The following GPC6 variants were observed in gnomAD, a reference collection of about 807,000 sequenced individuals.
The protein encoded by GPC6 is glypican-6.
GPC6 carries 14 observed loss-of-function variants against 55.2 expected under a neutral mutation model. The ratio of observed to expected loss-of-function variants is 0.25; its 90% CI spans 0.17 to 0.40. The LOEUF is 0.40. Ranked by LOEUF, GPC6 falls within the 10% of genes least tolerant of loss-of-function variation. GPC6 has a pLI of 1.00. For synonymous variants in GPC6, 278 were observed against 259.6 expected, an observed-to-expected ratio of 1.07 and a Z score of -0.68; for missense variants, 641 against 708.5, an observed-to-expected ratio of 0.90 and a Z score of 1.08.
intron 4 of GPC6, among the ~76,000 whole-genome samples, chr13:94,142,897 C>T (rs1468850847): frequency 6.6e-6 from 1 of 151,062 alleles, no homozygotes; most frequent in African/African-American, 2.4e-5. Flanking sequence ...GGCACGATCG[C>T]GGCTTACAGC....
intron 1 of GPC6, among the ~76,000 whole-genome samples, chr13:93,507,449 A>G (rs1470279924): frequency 6.6e-6 from 1 of 152,130 alleles, no homozygotes; most frequent in African/African-American, 2.4e-5. Context: ...CTAGTAAAAC[A>G]CTTGATATTA....
At chr13:93,496,051 C>T (rs998172215) in intron 1 of GPC6, among the ~76,000 whole-genome samples, 94 of 152,122 alleles carry the variant, frequency 6.2e-4, no homozygotes, top group Non-Finnish European at 1.0e-3. Flanking sequence ...GTGGGCTCCA[C>T]CCAGTTGGAG....
chr13:94,114,207 C>A (rs571416004), intron 4 of GPC6, among the ~76,000 whole-genome samples: 1 of 150,242 alleles, frequency 6.7e-6, no homozygotes, highest in Admixed American at 6.6e-5. Context: ...ATGGCACACA[C>A]CTAAATTTTG....
In GPC6 at chr13:93,401,155, CGTGTGTGTGTGTGTGTGTGTGTGTGTGT is replaced by C. The variant is rs5805802; in HGVS notation, c.161-144091_161-144064del. ...AAGGCAGAAGGGCAGAGGTATTTGT[CGTGTGTGTGTGTGTGTGTGTGTGTGTGT>C]GTGTGTGTGTGTGTGTTTGACTTTT... On this transcript the variant is annotated intron_variant, in intron 1 of 8. Transcript: ENST00000377047. Among the ~76,000 whole-genome samples the C allele has an allele frequency of 2.1e-5, 3 of 143,456 alleles. No individual in the cohort carries two copies. In the South Asian group the frequency reaches 6.8e-4, roughly 33 times the overall value. The allele number at this position is 143,456 out of a possible 152,430, so 94.1% of individuals were successfully genotyped here.
At chr13:93,676,125 AAAT>A (rs1350484943) in intron 2 of GPC6, among the ~76,000 whole-genome samples, 3 of 34,012 alleles carry the variant, frequency 8.8e-5, no homozygotes, top group East Asian at 7.9e-4. Context: ...AAAAAAAAAA[AAAT>A]ATATATATAT....
chr13:93,324,510 T>C (rs574087329), intron 1 of GPC6, among the ~76,000 whole-genome samples: 1 of 141,692 alleles, frequency 7.1e-6, no homozygotes, highest in African/African-American at 3.0e-5. Flanking sequence ...ATGTATTACA[T>C]GCTTGTATTA....
At chr13:94,034,884 T>A (rs1294351511) in intron 4 of GPC6, among the ~76,000 whole-genome samples, 1 of 151,092 alleles carries the variant, frequency 6.6e-6, no homozygotes, top group East Asian at 1.9e-4. Context: ...ATATTTCATG[T>A]ATAATAGGAA....
rs550554554 is a variant in GPC6, at chr13:94,344,247, C to G, written c.1152+38124C>G. 1.1e-3 allele frequency among the ~76,000 whole-genome samples: 169 copies of G among 152,310 alleles called. 2 individuals are homozygous for G. Among genetic ancestry groups the G allele is most frequent in the Admixed American group, 0.01 (153 of 15,288 alleles). On this transcript the variant is annotated intron_variant, in intron 6 of 8. Transcript: ENST00000377047. Reference sequence around the variant, plus strand: ...TTATTTATCACATAAGCAAATGCCTCCCATGCCTCCTAGGCCCTGCCCTGT... The same window carrying G: ...TTATTTATCACATAAGCAAATGCCTGCCATGCCTCCTAGGCCCTGCCCTGT...
chr13:94,332,395 CA>C (rs1877471948), intron 6 of GPC6, among the ~76,000 whole-genome samples: 1 of 152,306 alleles, frequency 6.6e-6, no homozygotes, highest in Admixed American at 6.5e-5. Flanking sequence ...AATAAAAGAA[CA>C]AAAGAAAGAT....
intron 1 of GPC6, among the ~76,000 whole-genome samples, chr13:93,277,731 G>T (rs951360231): frequency 1.3e-5 from 2 of 152,076 alleles, no homozygotes; most frequent in Non-Finnish European, 2.9e-5. Context: ...ACTTTATTGT[G>T]GTAAATATCT....
At chr13:93,681,824 T>C (rs1463667939) in intron 2 of GPC6, among the ~76,000 whole-genome samples, 1 of 152,210 alleles carries the variant, frequency 6.6e-6, no homozygotes, top group Non-Finnish European at 1.5e-5. Context: ...TGATACCTTG[T>C]GCTGCTAACT....
rs545765122 is a variant in GPC6, at chr13:93,973,980, G to A, written c.712-53749G>A. On this transcript the variant is annotated intron_variant, in intron 3 of 8. Transcript: ENST00000377047. ...CAACTCTCCCTGAAACTTTTTAGGC[G>A]TCTAGGTCAGGTTTGTTGCTTGGCC... Among the ~76,000 whole-genome samples, 34 of 152,274 alleles carry A rather than the reference G, an allele frequency of 2.2e-4. No homozygotes were observed. The South Asian group carries it at 4.8e-3, about 21-fold the overall frequency.
At chr13:93,700,855 A>G (rs1391594593) in intron 2 of GPC6, among the ~76,000 whole-genome samples, 1 of 152,070 alleles carries the variant, frequency 6.6e-6, no homozygotes, top group Admixed American at 6.6e-5. Flanking sequence ...GGAAGAGAGG[A>G]GGGAAGGTCA....
rs544113487 is a variant in GPC6, at chr13:93,714,751, G to T, written c.320-115403G>T. On this transcript the variant is annotated intron_variant, in intron 2 of 8. Coordinates refer to ENST00000377047, the MANE Select transcript of GPC6 (RefSeq NM_005708.5). ...GAGTGCTTCTCCACAGATGGAGCAA[G>T]GCAGTCTCAGAGAGAAGACATGCTG... 1.1e-4 allele frequency among the ~76,000 whole-genome samples: 17 copies of T among 151,726 alleles called. No individual in the cohort carries two copies. In the East Asian group the frequency reaches 2.5e-3, roughly 23 times the overall value.
chr13:94,392,583 C>T (rs1265222217), intron 7 of GPC6, among the ~76,000 whole-genome samples: 1 of 151,998 alleles, frequency 6.6e-6, no homozygotes, highest in Non-Finnish European at 1.5e-5. Flanking sequence ...GCATGCGCCA[C>T]CACGCGTGGC....
In GPC6 at chr13:93,363,623, A is replaced by G. The variant is rs868252868; in HGVS notation, c.160+136007A>G. On this transcript the variant is annotated intron_variant, in intron 1 of 8. Coordinates refer to ENST00000377047, the MANE Select transcript of GPC6 (RefSeq NM_005708.5). ...TGTGCATGTGTCTTTATAGCAGCAC[A>G]ATTTATAGTCCTTTGGGTATATACC... is the stretch of plus-strand genomic sequence containing the variant. Among the ~76,000 whole-genome samples the G allele has an allele frequency of 7.6e-3, 1,151 of 152,032 alleles. 13 individuals carry two copies. Among genetic ancestry groups the G allele is most frequent in the African/African-American group, 0.027 (1,099 of 41,378 alleles).
intron 1 of GPC6, among the ~76,000 whole-genome samples, chr13:93,272,369 T>C (rs1877560474): frequency 6.6e-6 from 1 of 151,716 alleles, no homozygotes; most frequent in Non-Finnish European, 1.5e-5. Context: ...CTAACTTGCC[T>C]TTTAAAAATT....
intron 4 of GPC6, among the ~76,000 whole-genome samples, chr13:94,160,358 T>C (rs1478363794): frequency 6.6e-6 from 1 of 152,212 alleles, no homozygotes; most frequent in African/African-American, 2.4e-5. Flanking sequence ...GAGAGATTAC[T>C]ATATGTATCT....
intron 6 of GPC6, among the ~76,000 whole-genome samples, chr13:94,362,686 C>T (rs1425505056): frequency 6.6e-6 from 1 of 152,080 alleles, no homozygotes; most frequent in African/African-American, 2.4e-5. Flanking sequence ...AGTCACTGTT[C>T]GACTTTTTGA....
Sources: allele counts gnomAD v4.1 joint callset (sites outside exome capture counted in the v4.1 genomes callset), GRCh38; gene constraint gnomAD v4.1.1; transcripts MANE v1.5; gene names NCBI Gene and HGNC (gene_info 2026-07-23, HGNC 2026-07-21).